The following ZNF540 variants were observed in gnomAD, a reference collection of about 807,000 sequenced individuals.
ZNF540 encodes zinc finger protein 540.
A neutral mutation model predicts 11.8 loss-of-function variants in ZNF540; 3 were observed. That is an observed-to-expected ratio of 0.25 (90% CI 0.12 to 0.65). The LOEUF (loss-of-function observed/expected upper bound fraction) is 0.65, where lower values mean the gene tolerates loss of function less well. ZNF540 is among the 30% of genes least tolerant of loss of function. The probability of loss-of-function intolerance (pLI) is 0.83; values close to 1 mark genes in which losing one functional copy is unlikely to be tolerated. For synonymous variants in ZNF540, 247 were observed against 259.0 expected, an observed-to-expected ratio of 0.95 and a Z score of 0.45; for missense variants, 709 against 793.1, an observed-to-expected ratio of 0.89 and a Z score of 1.27.
At chr19:37,603,810 CTA>C (rs2044059357) in intron 4 of ZNF540, among the ~76,000 whole-genome samples, 4 of 152,014 alleles carry the variant, frequency 2.6e-5, no homozygotes, top group Admixed American at 2.0e-4. Flanking sequence ...ATTTTTAAAA[CTA>C]TGAAGAAAAG....
chr19:37,554,763 A>G (rs1031145817), intron 1 of ZNF540: 1 of 152,238 alleles, frequency 6.6e-6, no homozygotes, highest in Admixed American at 6.6e-5. Context: ...CCTGAGTTAG[A>G]GAAAACGCCA....
intron 1 of ZNF540, among the ~76,000 whole-genome samples, chr19:37,573,603 G>C (rs1042219481): frequency 6.0e-5 from 9 of 150,652 alleles, no homozygotes; most frequent in African/African-American, 2.2e-4. Context: ...GAGTCAGGAG[G>C]ATCGCTTGGA....
chr19:37,565,553 G>A (rs758790331), intron 1 of ZNF540: 1 of 1,613,612 alleles, frequency 6.2e-7, no homozygotes, highest in Admixed American at 1.7e-5. Flanking sequence ...AGTAAGTTGA[G>A]AGCCAAGAAT....
intron 1 of ZNF540, chr19:37,585,743 T>A (rs944949631): frequency 1.3e-5 from 2 of 152,192 alleles, no homozygotes; most frequent in Admixed American, 1.3e-4. Context: ...AACCTATGTA[T>A]ACCTTACCTT....
At chr19:37,565,029 T>C in intron 1 of ZNF540, 2 of 1,613,822 alleles carry the variant, frequency 1.2e-6, no homozygotes, top group Non-Finnish European at 8.5e-7. Context: ...CCATGAATTT[T>C]CTCATGTTGA....
chr19:37,592,222 C>A (rs1184754786), upstream of ZNF540, among the ~76,000 whole-genome samples: 2 of 152,106 alleles, frequency 1.3e-5, no homozygotes, highest in Non-Finnish European at 1.5e-5. Flanking sequence ...CACACCACTA[C>A]ACTCCAGCCT....
intron 1 of ZNF540, among the ~76,000 whole-genome samples, chr19:37,578,888 A>C (rs977916530): frequency 2.1e-4 from 32 of 152,222 alleles, no homozygotes; most frequent in Non-Finnish European, 1.0e-4. Flanking sequence ...CAGAGGTAAC[A>C]GATAACACTT....
chr19:37,565,005 CATA>C lies in ZNF540; in HGVS notation c.-73+13343_-73+13345del, dbSNP rs765860977. On this transcript the variant is annotated intron_variant, in intron 1 of 4. Coordinates refer to the ZNF540 transcript ENST00000592533. ...AAGGTCTTCCCACATTCCTTACATT[CATA>C]ATGTTTCTCACCATGAATTTTCTCA... 1.8e-5 allele frequency: 29 copies of C among 1,613,546 alleles called. No homozygotes were observed. The East Asian group carries it at 2.2e-4, about 12-fold the overall frequency.
intron 1 of ZNF540, among the ~76,000 whole-genome samples, chr19:37,575,113 A>G (rs539576440): frequency 8.5e-5 from 13 of 152,228 alleles, no homozygotes; most frequent in South Asian, 2.1e-4. Context: ...AGAGTTCTGA[A>G]GCTGATGTTC....
chr19:37,607,989 G>A (rs963533411), intron 4 of ZNF540, among the ~76,000 whole-genome samples: 2 of 152,086 alleles, frequency 1.3e-5, no homozygotes, highest in African/African-American at 4.8e-5. Flanking sequence ...CAGTGTTTTC[G>A]ATTTTGGCCA....
chr19:37,608,740 G>GT (rs2044104130), intron 4 of ZNF540, among the ~76,000 whole-genome samples: 1 of 152,158 alleles, frequency 6.6e-6, no homozygotes. Flanking sequence ...AGTGCTTCCA[G>GT]TTTTTTCCCC....
intron 1 of ZNF540, among the ~76,000 whole-genome samples, chr19:37,570,171 T>G (rs1198218186): frequency 2.0e-5 from 3 of 152,198 alleles, no homozygotes; most frequent in Non-Finnish European, 4.4e-5. Flanking sequence ...CTGGGTTATC[T>G]CAATTACCTT....
At chr19:37,570,227 T>C (rs2043005795) in intron 1 of ZNF540, among the ~76,000 whole-genome samples, 1 of 152,224 alleles carries the variant, frequency 6.6e-6, no homozygotes, top group South Asian at 2.1e-4. Flanking sequence ...AGGACTCTTA[T>C]CCCATCCATG....
chr19:37,565,746 A>G lies in ZNF540; in HGVS notation c.-73+14081A>G, dbSNP rs772979156. On this transcript the variant is annotated intron_variant, in intron 1 of 4. Transcript: ENST00000592533. ...GAACCACGAATAAAAGCTTTCCCAC[A>G]TGCGTTACACTGATAAGGTTTTTCA... The G allele has an allele frequency of 2.5e-6, 4 of 1,613,708 alleles. No individual in the cohort carries two copies. The Admixed American group carries it at 6.7e-5, about 27-fold the overall frequency.
intron 1 of ZNF540, chr19:37,565,092 GT>G (rs747847599): frequency 6.2e-7 from 1 of 1,613,246 alleles, no homozygotes; most frequent in South Asian, 1.1e-5. Flanking sequence ...CATTCAAAGG[GT>G]TTCTCACCTG....
At chr19:37,587,977 G>C (rs773634092) in intron 1 of ZNF540, among the ~76,000 whole-genome samples, 3 of 151,894 alleles carry the variant, frequency 2.0e-5, no homozygotes, top group Non-Finnish European at 2.9e-5. Context: ...GCACATGCCT[G>C]TAGTCCCAGC....
chr19:37,554,251 G>T (rs922470108), intron 1 of ZNF540, among the ~76,000 whole-genome samples: 5 of 152,064 alleles, frequency 3.3e-5, no homozygotes, highest in Non-Finnish European at 7.4e-5. Flanking sequence ...ACAGTATTTG[G>T]GTTTCTGATC....
chr19:37,568,641 T>C (rs34301943), intron 1 of ZNF540, among the ~76,000 whole-genome samples: 3,965 of 152,080 alleles, frequency 0.026, 182 homozygotes, highest in African/African-American at 0.09. Context: ...TAGAGGAATA[T>C]AGAAAAAGTT....
chr19:37,579,561 C>T (rs868738172), intron 1 of ZNF540, among the ~76,000 whole-genome samples: 21 of 151,444 alleles, frequency 1.4e-4, no homozygotes, highest in African/African-American at 4.9e-4. Context: ...GAAAGTGGAC[C>T]CTACCTTTCA....
Sources: allele counts gnomAD v4.1 joint callset (sites outside exome capture counted in the v4.1 genomes callset), GRCh38; gene constraint gnomAD v4.1.1; transcripts MANE v1.5; gene names NCBI Gene and HGNC (gene_info 2026-07-23, HGNC 2026-07-21).